PFKFB3: variants seen among roughly 807,000 people sequenced by gnomAD.
PFKFB3 encodes 6-phosphofructo-2-kinase/fructose-2,6-biphosphatase 3.
PFKFB3 carries 33 observed loss-of-function variants against 68.0 expected under a neutral mutation model. The ratio of observed to expected loss-of-function variants is 0.49; its 90% CI spans 0.37 to 0.65. The LOEUF (loss-of-function observed/expected upper bound fraction) is 0.65. Among genes scored for constraint, PFKFB3 ranks in the 30% least tolerant of loss-of-function variants. The pLI, the probability that PFKFB3 is intolerant of heterozygous loss-of-function variation, is 0.00. For missense variants in PFKFB3, 586 were observed against 712.2 expected (o/e 0.82, Z 2.02); for synonymous variants, 315 against 288.2 (o/e 1.09, Z -0.94).
At chr10:6,172,732 G>A (rs528767716) in intron 1 of PFKFB3, among the ~76,000 whole-genome samples, 1 of 152,164 alleles carries the variant, frequency 6.6e-6, no homozygotes, top group African/African-American at 2.4e-5. Context: ...TCAGGCAGGA[G>A]GATTGCTTGA....
rs970637576 is a variant in PFKFB3, at chr10:6,173,426, C to T, written c.16+28413C>T. ...GTGCATATGGTTACAGCACCGCTTCCTGTGAAGGAGTTGAGCTAGGGGTTG... is the reference window on the plus strand; with the variant it reads ...GTGCATATGGTTACAGCACCGCTTCTTGTGAAGGAGTTGAGCTAGGGGTTG... On this transcript the variant is annotated intron_variant, in intron 1 of 14. Transcript: ENST00000379789. Among the ~76,000 whole-genome samples, 13 of 152,174 alleles carry T rather than the reference C, an allele frequency of 8.5e-5. No homozygotes were observed. In the South Asian group the frequency reaches 1.0e-3, roughly 12 times the overall value.
chr10:6,176,708 T>C (rs972554526), intron 1 of PFKFB3, among the ~76,000 whole-genome samples: 3 of 152,194 alleles, frequency 2.0e-5, no homozygotes, highest in East Asian at 1.9e-4. Flanking sequence ...TTCCATAATA[T>C]GTTTATTTGA....
intron 14 of PFKFB3, among the ~76,000 whole-genome samples, chr10:6,244,291 G>A (rs867953753): frequency 6.6e-6 from 1 of 152,194 alleles, no homozygotes; most frequent in Non-Finnish European, 1.5e-5. Context: ...AGGGAAACAC[G>A]AAGTGAAGGC....
At chr10:6,225,600 C>T (rs1037385078) in intron 13 of PFKFB3, among the ~76,000 whole-genome samples, 11 of 152,356 alleles carry the variant, frequency 7.2e-5, no homozygotes, top group Admixed American at 7.2e-4. Flanking sequence ...CTGTCCCTCT[C>T]ATGGGAGGGC....
rs3829147 is a variant in PFKFB3, at chr10:6,224,426, C to G, written c.1341+213C>G. ...CTCATTTTCTTTCTTCCTGTGTCCT[C>G]TTCCTCCCATTTCTGCTGAGCTCGA... is the stretch of plus-strand genomic sequence containing the variant. On this transcript the variant is annotated intron_variant, in intron 13 of 14. Coordinates refer to ENST00000379775, the MANE Select transcript of PFKFB3 (RefSeq NM_004566.4). 6.8e-4 allele frequency: 433 copies of G among 635,596 alleles called. 2 individuals are homozygous for G. In the East Asian group the frequency reaches 6.9e-3, roughly 10 times the overall value. 39.4% of individuals were successfully genotyped at this position (635,596 alleles called of 1,614,324 possible). A position where few individuals can be genotyped will look rare whatever the true frequency, so the allele number is the denominator to read the frequency against.
intron 1 of PFKFB3, among the ~76,000 whole-genome samples, chr10:6,153,850 T>C (rs1378761031): frequency 1.3e-5 from 2 of 149,096 alleles, no homozygotes; most frequent in Non-Finnish European, 3.0e-5. Context: ...CGAGACTCCA[T>C]CTAAAAAAAA....
chr10:6,194,549 A>AC (rs1843120984), intron 1 of PFKFB3, among the ~76,000 whole-genome samples: 1 of 152,208 alleles, frequency 6.6e-6, no homozygotes, highest in African/African-American at 2.4e-5. Context: ...ACAGAAAGAG[A>AC]CAAGGGGGCA....
chr10:6,191,276 G>A (rs1025788878), intron 1 of PFKFB3, among the ~76,000 whole-genome samples: 3 of 152,194 alleles, frequency 2.0e-5, no homozygotes, highest in South Asian at 2.1e-4. Context: ...TTCTACTTAG[G>A]GTGTGAACCC....
At chr10:6,221,797 T>C in intron 10 of PFKFB3, 52 bp downstream of exon 10, 1 of 1,261,150 alleles carries the variant, frequency 7.9e-7, no homozygotes, top group Non-Finnish European at 1.1e-6. Flanking sequence ...TGACCACTGC[T>C]GTGCAGGGCT....
Position 6,209,281 on chromosome 10 carries a change from C to G in PFKFB3, c.77-4342C>G, listed in dbSNP as rs182268854. On this transcript the variant is annotated intron_variant, in intron 1 of 14. Coordinates refer to ENST00000379775, the MANE Select transcript of PFKFB3 (RefSeq NM_004566.4). The stretch of plus-strand genomic sequence containing the variant: ...GGTCTTTACACAGTTGTTCCTTCCC[C>G]TGTAACCCGGTGACATCTGTGTTCC... 1.6e-4 allele frequency among the ~76,000 whole-genome samples: 25 copies of G among 152,276 alleles called. No individual in the cohort carries two copies. The East Asian group carries it at 4.0e-3, about 25-fold the overall frequency.
the PFKFB3 span, among the ~76,000 whole-genome samples, chr10:6,323,490 C>T: frequency 6.6e-6 from 1 of 152,180 alleles, no homozygotes; most frequent in Non-Finnish European, 1.5e-5. Flanking sequence ...GCCTCATGCC[C>T]CTTTCTCACT....
At chr10:6,272,587 T>A in the PFKFB3 span, among the ~76,000 whole-genome samples, 2 of 151,946 alleles carry the variant, frequency 1.3e-5, no homozygotes, top group South Asian at 4.2e-4. Context: ...CCCAGCTACT[T>A]GGGAGGCTGA....
In PFKFB3 at chr10:6,228,811, A is replaced by AGCGTCATAGTCAC. The variant is rs990035013; in HGVS notation, c.1515+2449_1515+2461dup. Among the ~76,000 whole-genome samples, 1 of 152,188 alleles carries AGCGTCATAGTCAC rather than the reference A, an allele frequency of 6.6e-6. No individual in the cohort carries two copies. The highest frequency in any genetic ancestry group is 2.4e-5 in the African/African-American group (1 of 41,436). On this transcript the variant is annotated intron_variant, in intron 14 of 14. Coordinates refer to ENST00000379775, the MANE Select transcript of PFKFB3 (RefSeq NM_004566.4). This position sits in a 1 kb window ranked among gnomAD's most constrained non-coding sequence, Gnocchi z 4.5. Reference sequence around the variant, plus strand: ...GTTTGTCCTGGGTTGGAGCCTGCTCAGCGTCATAGTCACGCCCGGGGCTGG... The same window carrying AGCGTCATAGTCAC: ...GTTTGTCCTGGGTTGGAGCCTGCTCAGCGTCATAGTCACGCGTCATAGTCACGCCCGGGGCTGG...
chr10:6,271,076 T>G, the PFKFB3 span, among the ~76,000 whole-genome samples: 10 of 152,362 alleles, frequency 6.6e-5, no homozygotes, highest in African/African-American at 2.4e-4. Context: ...AAAGATGCTC[T>G]TCCAATGGCC....
intron 1 of PFKFB3, among the ~76,000 whole-genome samples, chr10:6,165,114 GA>G: frequency 6.6e-6 from 1 of 152,270 alleles, no homozygotes; most frequent in Non-Finnish European, 1.5e-5. Flanking sequence ...TCAGTGGGGG[GA>G]AACCTTGGAC....
Position 6,233,121 on chromosome 10 carries a change from C to T in PFKFB3, c.*179C>T. 1.7e-6 allele frequency: 1 copy of T among 587,020 alleles called. No individual in the cohort carries two copies. The highest frequency in any genetic ancestry group is 3.0e-6 in the Non-Finnish European group (1 of 328,056). 36.4% of individuals were successfully genotyped at this position (587,020 alleles called of 1,614,324 possible). A position where few individuals can be genotyped will look rare whatever the true frequency, so the allele number is the denominator to read the frequency against. On this transcript the variant is annotated 3_prime_UTR_variant, in exon 15 of 15. Transcript: ENST00000379775. ...CGTCTGTGTCCCCTCGGCCGCTGGA[C>T]ACCAGAAAGCCACGTGGGTCCCTGG...
rs2132064672 is a variant in PFKFB3, at chr10:6,234,932, C to T, written c.*1990C>T. Reference sequence around the variant, plus strand: ...AGATAGGGAGAGAGGTAACATGAATCTGGACAGGGAGGGAGATACTATAGA... The same window carrying T: ...AGATAGGGAGAGAGGTAACATGAATTTGGACAGGGAGGGAGATACTATAGA... On this transcript the variant is annotated 3_prime_UTR_variant, in exon 15 of 15. Transcript: ENST00000379775. 1 of 149,430 alleles carries T rather than the reference C, an allele frequency of 6.7e-6. No homozygotes were observed. Among genetic ancestry groups the T allele is most frequent in the African/African-American group, 2.5e-5 (1 of 40,176 alleles). The allele number at this position is 149,430 out of a possible 1,614,324, so 9.3% of individuals were successfully genotyped here.
the PFKFB3 span, among the ~76,000 whole-genome samples, chr10:6,313,626 C>T: frequency 6.6e-6 from 1 of 152,154 alleles, no homozygotes; most frequent in Non-Finnish European, 1.5e-5. This position sits in a 1 kb window ranked among gnomAD's most constrained non-coding sequence, Gnocchi z 4.2. Context: ...TTTATCCTTG[C>T]ATTGGCTGTG....
chr10:6,211,288 TC>T (rs1476830436), intron 1 of PFKFB3, among the ~76,000 whole-genome samples: 2 of 152,232 alleles, frequency 1.3e-5, no homozygotes, highest in Non-Finnish European at 2.9e-5. Flanking sequence ...GTAGACATAA[TC>T]CCCTGTTGGA....
Sources: gnomAD v4.1 joint callset for allele counts (sites outside exome capture counted in the v4.1 genomes callset) on GRCh38, gnomAD v4.1.1 for gene constraint, Gnocchi (gnomAD v3.1) non-coding constraint, MANE v1.5 for transcripts, NCBI Gene and HGNC (gene_info 2026-07-23, HGNC 2026-07-21) for gene names.